The following AKR1D1 variants were observed in gnomAD, a reference collection of about 807,000 sequenced individuals.
The protein encoded by AKR1D1 is aldo-keto reductase family 1 member D1.
AKR1D1 carries 32 observed loss-of-function variants against 42.6 expected under a neutral mutation model. The ratio of observed to expected loss-of-function variants is 0.75; its 90% CI spans 0.57 to 1.01. The LOEUF (loss-of-function observed/expected upper bound fraction) is 1.01, where lower values mean the gene tolerates loss of function less well. AKR1D1 is among the 50% of genes least tolerant of loss of function. The probability of loss-of-function intolerance (pLI) is 0.00; values close to 1 mark genes in which losing one functional copy is unlikely to be tolerated. For missense variants in AKR1D1, 364 were observed against 402.2 expected, an observed-to-expected ratio of 0.91 and a Z score of 0.81; for synonymous variants, 123 against 135.5, an observed-to-expected ratio of 0.91 and a Z score of 0.64.
rs1237024390 is a variant in AKR1D1 at position 138,084,225 on chromosome 7, T to C, written c.94-4376T>C. On this transcript the variant is annotated intron_variant, in intron 1 of 8. Transcript: ENST00000242375. ...ATGCCTACTGTCTTTTCAGTACTTT[T>C]ATGGTAATCTTTTCAAAAGTTTTAA... 9.2e-5 allele frequency among the ~76,000 whole-genome samples: 14 copies of C among 151,726 alleles called. No individual in the cohort carries two copies. In the East Asian group the frequency reaches 2.7e-3, roughly 29 times the overall value.
At chr7:138,103,998 A>G (rs1036938623) in intron 4 of AKR1D1, among the ~76,000 whole-genome samples, 1 of 152,088 alleles carries the variant, frequency 6.6e-6, no homozygotes, top group Non-Finnish European at 1.5e-5. Flanking sequence ...AAATTTAGCC[A>G]GTGTGGTTGC....
At position 138,107,553 on chromosome 7, in the gene AKR1D1, T is replaced by C. The variant is rs1392228715; in HGVS notation, c.828T>C (p.Asn276=). Residue 276 remains asparagine, a synonymous_variant, in exon 7 of 9, where the codon AAT becomes AAC. Transcript: ENST00000242375. ...RGVVVIPKSF[N]LERIKENFQI... is the part of the protein sequence containing the mutation. ...TGGTTGTCATTCCTAAAAGCTTTAATCTTGAAAGGATCAAAGAAAATTTTC... is the reference window on the plus strand; with the variant it reads ...TGGTTGTCATTCCTAAAAGCTTTAACCTTGAAAGGATCAAAGAAAATTTTC... 5.6e-6 allele frequency: 9 copies of C among 1,613,896 alleles called. No individual in the cohort carries two copies. In the Admixed American group the frequency reaches 1.0e-4, roughly 18 times the overall value.
intron 2 of AKR1D1, among the ~76,000 whole-genome samples, chr7:138,090,636 C>CA (rs201055784): frequency 0.029 from 2,653 of 91,268 alleles, 82 homozygotes; most frequent in African/African-American, 0.078. Context: ...GACCCCGTCT[C>CA]AAAAAAAAAA....
rs533657347 is a variant in AKR1D1, at chr7:138,109,258, A to G, written c.855+1678A>G. Among the ~76,000 whole-genome samples, 5 of 152,340 alleles carry G rather than the reference A, an allele frequency of 3.3e-5. No individual in the cohort carries two copies. The East Asian group carries it at 5.8e-4, about 18-fold the overall frequency. ...CTCAAACTTTAGCAAAAAATAAAAG[A>G]TAATTTATTGGCTTGCATAACTGGA... is the stretch of plus-strand genomic sequence containing the variant. On this transcript the variant is annotated intron_variant, in intron 7 of 8. Coordinates refer to ENST00000242375, the MANE Select transcript of AKR1D1 (RefSeq NM_005989.4).
chr7:138,081,214 T>C (rs1189535117), intron 1 of AKR1D1, among the ~76,000 whole-genome samples: 1 of 152,224 alleles, frequency 6.6e-6, no homozygotes, highest in East Asian at 1.9e-4. Context: ...TGGATGTCAC[T>C]TTTTCCAAGA....
intron 3 of AKR1D1, among the ~76,000 whole-genome samples, chr7:138,097,266 T>C (rs905785113): frequency 2.6e-5 from 4 of 152,166 alleles, no homozygotes; most frequent in African/African-American, 4.8e-5. Context: ...GCCCGTTAGG[T>C]TGATTTCCCC....
intron 4 of AKR1D1, among the ~76,000 whole-genome samples, chr7:138,100,088 CAAAAAAAAAAA>C (rs59361346): frequency 2.1e-4 from 9 of 43,568 alleles, no homozygotes; most frequent in East Asian, 1.0e-3. Context: ...GATTTCATCT[CAAAAAAAAAAA>C]AAAAAAAAAA....
intron 8 of AKR1D1, among the ~76,000 whole-genome samples, chr7:138,115,066 A>G (rs1439569843): frequency 6.6e-6 from 1 of 152,178 alleles, no homozygotes; most frequent in African/African-American, 2.4e-5. Flanking sequence ...CATAAATAAC[A>G]CTTTCCTAGA....
In AKR1D1 at chr7:138,106,695, G is replaced by A; in HGVS notation, c.667G>A (p.Gly223Arg). 2 of 1,612,610 alleles carry A rather than the reference G, an allele frequency of 1.2e-6. No individual in the cohort carries two copies. Among genetic ancestry groups the A allele is most frequent in the Non-Finnish European group, 1.7e-6 (2 of 1,178,638 alleles). ...DIVITAYSPL[G>R]TSRNPIWVNV... ...TGTCATTACTGCATATAGCCCTTTG[G>A]GGACCAGTAGGAATCCAATCTGGTA... Residue 223 changes from glycine to arginine, a missense_variant, in exon 6 of 9, where the codon GGG becomes AGG. Coordinates refer to ENST00000242375, the MANE Select transcript of AKR1D1 (RefSeq NM_005989.4).
intron 4 of AKR1D1, among the ~76,000 whole-genome samples, chr7:138,100,646 T>C (rs1794282558): frequency 6.7e-6 from 1 of 149,804 alleles, no homozygotes; most frequent in African/African-American, 2.4e-5. Context: ...TGAAGCATCA[T>C]CTAAGAGAAC....
chr7:138,077,074 G>A (rs1051887019), intron 1 of AKR1D1, among the ~76,000 whole-genome samples: 1 of 152,054 alleles, frequency 6.6e-6, no homozygotes, highest in Non-Finnish European at 1.5e-5. Context: ...AATAGAGGGG[G>A]CAGATTCTTG....
chr7:138,096,381 C>T (rs933297223), intron 3 of AKR1D1, among the ~76,000 whole-genome samples: 6 of 152,240 alleles, frequency 3.9e-5, no homozygotes, highest in African/African-American at 1.4e-4. Context: ...CTCACTAGAG[C>T]CTTCTTGCTA....
At chr7:138,095,876 T>G (rs1189591533) in intron 3 of AKR1D1, among the ~76,000 whole-genome samples, 1 of 151,930 alleles carries the variant, frequency 6.6e-6, no homozygotes, top group African/African-American at 2.4e-5. Flanking sequence ...ATTGCTTGAT[T>G]CCCTTCTCAG....
Position 138,106,709 on chromosome 7 carries a change from T to C in AKR1D1, c.681T>C (p.Asn227=), listed in dbSNP as rs1314675159. 1.2e-6 allele frequency: 2 copies of C among 1,605,010 alleles called. No homozygotes were observed. The highest frequency in any genetic ancestry group is 8.5e-7 in the Non-Finnish European group (1 of 1,171,770). ...TAYSPLGTSR[N]PIWVNVSSPP... ...ATAGCCCTTTGGGGACCAGTAGGAA[T>C]CCAATCTGGTAAGTAAAACTTTAGG... The change falls in exon 6 of 9, where the codon AAT becomes AAC. Residue 227 remains asparagine, a synonymous_variant. Transcript: ENST00000242375.
At chr7:138,095,076 G>C (rs1439388390) in intron 3 of AKR1D1, among the ~76,000 whole-genome samples, 1 of 152,134 alleles carries the variant, frequency 6.6e-6, no homozygotes, top group African/African-American at 2.4e-5. Context: ...GAGGCTTATC[G>C]GGATGAAAGG....
At chr7:138,080,643 G>A (rs558208754) in intron 1 of AKR1D1, among the ~76,000 whole-genome samples, 12 of 152,220 alleles carry the variant, frequency 7.9e-5, no homozygotes, top group African/African-American at 2.6e-4. Context: ...GAAAACTCTA[G>A]GGATTTCCTG....
chr7:138,114,027 A>G (rs1794586296), intron 8 of AKR1D1, among the ~76,000 whole-genome samples: 1 of 152,242 alleles, frequency 6.6e-6, no homozygotes, highest in Non-Finnish European at 1.5e-5. Context: ...ATGCAGGCTA[A>G]GGAACCTGAG....
intron 8 of AKR1D1, among the ~76,000 whole-genome samples, chr7:138,114,755 A>AT (rs1378745399): frequency 2.6e-5 from 4 of 151,478 alleles, no homozygotes; most frequent in African/African-American, 7.3e-5. Flanking sequence ...ACACACATGC[A>AT]TTTTTTTCTT....
rs149607564 is a variant in AKR1D1, at chr7:138,090,688, C to T, written c.262-1080C>T. 1.2e-4 allele frequency among the ~76,000 whole-genome samples: 18 copies of T among 151,936 alleles called. No individual in the cohort carries two copies. In the East Asian group the frequency reaches 3.1e-3, roughly 26 times the overall value. On this transcript the variant is annotated intron_variant, in intron 2 of 8. Coordinates refer to ENST00000242375, the MANE Select transcript of AKR1D1 (RefSeq NM_005989.4). ...AAGTATGATTCTAAACTTATATCCC[C>T]CCAAAAAAATCTGTGAGCAAAACTG...
Sources: gnomAD v4.1 joint callset for allele counts (sites outside exome capture counted in the v4.1 genomes callset) on GRCh38, gnomAD v4.1.1 for gene constraint, MANE v1.5 for transcripts, NCBI Gene and HGNC (gene_info 2026-07-23, HGNC 2026-07-21) for gene names.